Variants in MSI2 observed in about 807,000 individuals in gnomAD.
The protein encoded by MSI2 is RNA-binding protein Musashi homolog 2.
MSI2 carries 17 observed loss-of-function variants against 45.6 expected under a neutral mutation model. The ratio of observed to expected loss-of-function variants is 0.37; its 90% CI spans 0.26 to 0.56. The LOEUF is 0.56. Ranked by LOEUF, MSI2 falls within the 20% of genes least tolerant of loss-of-function variation. The pLI, the probability that MSI2 is intolerant of heterozygous loss-of-function variation, is 0.77. For synonymous variants in MSI2, 156 were observed against 158.2 expected (o/e 0.99, Z 0.11); for missense variants, 293 against 444.2 (o/e 0.66, Z 3.06).
chr17:57,689,179 C>CT (rs555266949), downstream of MSI2, among the ~76,000 whole-genome samples: 30,408 of 122,818 alleles, frequency 0.25, 3,389 homozygotes, highest in East Asian at 0.5. Context: ...TGGGTTTTCT[C>CT]TTTTTTTTTA....
intron 6 of MSI2, among the ~76,000 whole-genome samples, chr17:57,460,893 C>T (rs868010989): frequency 4.5e-4 from 68 of 152,144 alleles, no homozygotes; most frequent in African/African-American, 1.5e-3. Context: ...GCATTTCTTC[C>T]GGCCAAAGGA....
At position 57,552,534 on chromosome 17, in the gene MSI2, G is replaced by C. The variant is rs2087332031; in HGVS notation, c.454+22810G>C. ...CCATCCCCGGAGGTCTTGGCTCATGGGCTTTCTTGATCTCTGAGTGTCTTT... is the reference window on the plus strand; with the variant it reads ...CCATCCCCGGAGGTCTTGGCTCATGCGCTTTCTTGATCTCTGAGTGTCTTT... On this transcript the variant is annotated intron_variant, in intron 7 of 13. Transcript: ENST00000284073. The surrounding 1 kb of genome is among the most constrained non-coding windows in gnomAD (Gnocchi z 4.3). 6.6e-6 allele frequency among the ~76,000 whole-genome samples: 1 copy of C among 152,190 alleles called. No homozygotes were observed. Among genetic ancestry groups the C allele is most frequent in the Non-Finnish European group, 1.5e-5 (1 of 68,046 alleles).
At chr17:57,356,371 A>T (rs1381504895) in intron 5 of MSI2, among the ~76,000 whole-genome samples, 1 of 152,142 alleles carries the variant, frequency 6.6e-6, no homozygotes, top group East Asian at 1.9e-4. Context: ...TTGGGTGGGG[A>T]CGTCAGCAGG....
At chr17:57,491,809 C>T (rs2085877783) in intron 6 of MSI2, among the ~76,000 whole-genome samples, 1 of 152,222 alleles carries the variant, frequency 6.6e-6, no homozygotes, top group South Asian at 2.1e-4. Context: ...AGTTTTCCTC[C>T]TTCCTGCTGT....
chr17:57,544,214 G>A lies in MSI2; in HGVS notation c.454+14490G>A, dbSNP rs1490876183. Reference sequence around the variant, plus strand: ...CAGAAAGTAAACTGGAATCAAAAACGCTATAAAGGATCAAAATAGGAGAGA... The same window carrying A: ...CAGAAAGTAAACTGGAATCAAAAACACTATAAAGGATCAAAATAGGAGAGA... On this transcript the variant is annotated intron_variant, in intron 7 of 13. Coordinates refer to ENST00000284073, the MANE Select transcript of MSI2 (RefSeq NM_138962.4). 4.6e-5 allele frequency among the ~76,000 whole-genome samples: 7 copies of A among 152,124 alleles called. No individual in the cohort carries two copies. The South Asian group carries it at 8.3e-4, about 18-fold the overall frequency.
intron 6 of MSI2, among the ~76,000 whole-genome samples, chr17:57,443,001 G>C (rs918676345): frequency 6.6e-6 from 1 of 152,220 alleles, no homozygotes; most frequent in Non-Finnish European, 1.5e-5. Context: ...CACCTTCCCT[G>C]CTCTGAGGAA....
chr17:57,651,480 C>G (rs1911147069), intron 10 of MSI2, among the ~76,000 whole-genome samples: 2 of 152,154 alleles, frequency 1.3e-5, no homozygotes, highest in Non-Finnish European at 2.9e-5. Flanking sequence ...CATGTGTATG[C>G]AATCACCTGG....
chr17:57,350,766 C>T (rs188103442), intron 5 of MSI2, among the ~76,000 whole-genome samples: 2 of 152,302 alleles, frequency 1.3e-5, no homozygotes, highest in African/African-American at 4.8e-5. Context: ...GGCTGTGCTC[C>T]TCTCTGTCAA....
chr17:57,558,251 G>A (rs1396328378), intron 7 of MSI2, among the ~76,000 whole-genome samples: 2 of 152,248 alleles, frequency 1.3e-5, no homozygotes, highest in South Asian at 2.1e-4. Flanking sequence ...TAGTCACCAC[G>A]CAGCCATCCG....
At chr17:57,296,463 T>C (rs917819634) in intron 5 of MSI2, among the ~76,000 whole-genome samples, 9 of 152,196 alleles carry the variant, frequency 5.9e-5, no homozygotes, top group African/African-American at 2.2e-4. Flanking sequence ...TATCTCACTG[T>C]GGATCAAATT....
At chr17:57,653,065 C>T (rs773725630) in intron 11 of MSI2, among the ~76,000 whole-genome samples, 7 of 148,482 alleles carry the variant, frequency 4.7e-5, no homozygotes, top group Admixed American at 6.7e-5. Context: ...AGGGAAGCGC[C>T]TAGTTTGATG....
intron 5 of MSI2, among the ~76,000 whole-genome samples, chr17:57,337,442 T>A (rs1914767082): frequency 6.6e-6 from 1 of 152,152 alleles, no homozygotes; most frequent in Admixed American, 6.5e-5. Context: ...CTGAGACTCA[T>A]TTTCTCTCCA....
At chr17:57,345,655 C>CAAAAATA (rs1437882905) in intron 5 of MSI2, among the ~76,000 whole-genome samples, 2 of 151,826 alleles carry the variant, frequency 1.3e-5, no homozygotes, top group African/African-American at 4.8e-5. Flanking sequence ...CCTGTCTGTG[C>CAAAAATA]TAAAAATATA....
intron 12 of MSI2, among the ~76,000 whole-genome samples, chr17:57,675,594 T>G (rs1412697372): frequency 6.6e-6 from 1 of 152,172 alleles, no homozygotes; most frequent in African/African-American, 2.4e-5. Context: ...AGCTGGGAAA[T>G]GTCCCAGCTC....
chr17:57,514,482 C>T (rs191997185), intron 6 of MSI2, among the ~76,000 whole-genome samples: 162 of 152,148 alleles, frequency 1.1e-3, no homozygotes, highest in Non-Finnish European at 1.7e-3. Context: ...TGCATTATTT[C>T]ATTTGCCTGC....
chr17:57,578,787 A>G (rs1460933199), intron 7 of MSI2, among the ~76,000 whole-genome samples: 1 of 152,110 alleles, frequency 6.6e-6, no homozygotes, highest in African/African-American at 2.4e-5. Flanking sequence ...ATAAGCGTGG[A>G]ACAGTAACAA....
chr17:57,406,558 ACTC>A (rs1168324910), intron 6 of MSI2, among the ~76,000 whole-genome samples: 4 of 151,842 alleles, frequency 2.6e-5, no homozygotes, highest in Admixed American at 2.0e-4. Flanking sequence ...GCTTTCTAGA[ACTC>A]CTGTGAAAGC....
chr17:57,323,598 G>A (rs1015875726), intron 5 of MSI2, among the ~76,000 whole-genome samples: 1 of 152,256 alleles, frequency 6.6e-6, no homozygotes, highest in Non-Finnish European at 1.5e-5. Context: ...CAGAGGGCCT[G>A]CATCTGCCTG....
chr17:57,371,210 T>G (rs919206749), intron 5 of MSI2, among the ~76,000 whole-genome samples: 1 of 152,174 alleles, frequency 6.6e-6, no homozygotes, highest in Non-Finnish European at 1.5e-5. Context: ...CCACAAAACA[T>G]GGCAAGGTTG....
Sources: gnomAD v4.1 joint callset for allele counts (sites outside exome capture counted in the v4.1 genomes callset) on GRCh38, gnomAD v4.1.1 for gene constraint, Gnocchi (gnomAD v3.1) non-coding constraint, MANE v1.5 for transcripts, NCBI Gene and HGNC (gene_info 2026-07-23, HGNC 2026-07-21) for gene names.